Variants in KCNIP3 observed in about 807,000 individuals in gnomAD.
KCNIP3 encodes the protein calsenilin.
A neutral mutation model predicts 35.0 loss-of-function variants in KCNIP3; 28 were observed. The observed-to-expected ratio is 0.80, with a 90% CI of 0.59 to 1.10. The LOEUF is 1.10. Among genes scored for constraint, KCNIP3 ranks in the 50% least tolerant of loss-of-function variants. The probability of loss-of-function intolerance (pLI) is 0.00; values close to 1 mark genes in which losing one functional copy is unlikely to be tolerated. For synonymous variants in KCNIP3, 134 were observed against 133.8 expected (o/e 1.00, Z -0.01); for missense variants, 295 against 338.4 (o/e 0.87, Z 1.01).
intron 2 of KCNIP3, among the ~76,000 whole-genome samples, chr2:95,351,099 A>G (rs1173184522): frequency 2.0e-5 from 3 of 152,246 alleles, no homozygotes; most frequent in Non-Finnish European, 4.4e-5. Context: ...CTGCGGGCTC[A>G]GAAAGTCTGG....
intron 1 of KCNIP3, 33 bp downstream of exon 1, chr2:95,297,486 AGGGGGGTCG>A: frequency 7.8e-6 from 1 of 127,538 alleles, no homozygotes; most frequent in Non-Finnish European, 1.3e-5. Flanking sequence ...CTTGCTCTGG[AGGGGGGTCG>A]GGGGGAGGAA....
chr2:95,367,230 G>A (rs1679937732), intron 2 of KCNIP3, among the ~76,000 whole-genome samples: 1 of 152,086 alleles, frequency 6.6e-6, no homozygotes, highest in Non-Finnish European at 1.5e-5. Context: ...CTGAGATCAT[G>A]CCACTGCACT....
chr2:95,373,426 T>C (rs1304260758), intron 2 of KCNIP3, among the ~76,000 whole-genome samples: 2 of 137,560 alleles, frequency 1.5e-5, no homozygotes, highest in African/African-American at 2.7e-5. Context: ...TTTTTTTTTT[T>C]TTTTTTTTTT....
At chr2:95,307,339 C>T (rs1221713131) in intron 1 of KCNIP3, among the ~76,000 whole-genome samples, 1 of 152,208 alleles carries the variant, frequency 6.6e-6, no homozygotes, top group Non-Finnish European at 1.5e-5. Flanking sequence ...CTCCAGAGAC[C>T]GCCCCAGGGA....
chr2:95,350,058 G>A (rs1679474705), intron 2 of KCNIP3, among the ~76,000 whole-genome samples: 1 of 152,190 alleles, frequency 6.6e-6, no homozygotes, highest in Non-Finnish European at 1.5e-5. Flanking sequence ...TCTTCCTGGA[G>A]TGCTGAAATA....
intron 2 of KCNIP3, among the ~76,000 whole-genome samples, chr2:95,325,158 G>A (rs1678704823): frequency 6.6e-6 from 1 of 152,126 alleles, no homozygotes; most frequent in Non-Finnish European, 1.5e-5. Flanking sequence ...GGGTCCACAG[G>A]CCTGGACCCC....
At chr2:95,308,081 CAT>C (rs955096428) in intron 1 of KCNIP3, among the ~76,000 whole-genome samples, 26 of 152,082 alleles carry the variant, frequency 1.7e-4, no homozygotes, top group Non-Finnish European at 3.5e-4. Flanking sequence ...TGCATATGAA[CAT>C]GTGTACTTGT....
chr2:95,301,890 G>A (rs1340279731), intron 1 of KCNIP3, among the ~76,000 whole-genome samples: 1 of 152,118 alleles, frequency 6.6e-6, no homozygotes, highest in Non-Finnish European at 1.5e-5. Context: ...GCTCATAGGT[G>A]TGTTTGCAGG....
chr2:95,308,049 C>T (rs2104206227), intron 1 of KCNIP3, among the ~76,000 whole-genome samples: 1 of 152,276 alleles, frequency 6.6e-6, no homozygotes, highest in East Asian at 1.9e-4. Context: ...CGTGTGTGTG[C>T]CTATGCATGT....
chr2:95,381,817 A>G, intron 6 of KCNIP3, 114 bp downstream of exon 6: 1 of 753,262 alleles, frequency 1.3e-6, no homozygotes, highest in Admixed American at 2.1e-5. Context: ...CCCGCTGTCC[A>G]TCCAGAGACT....
chr2:95,333,974 C>A (rs921714481), intron 2 of KCNIP3, among the ~76,000 whole-genome samples: 1 of 152,230 alleles, frequency 6.6e-6, no homozygotes, highest in Admixed American at 6.5e-5. Flanking sequence ...TGTCAGAAGA[C>A]ACTGCAGAAG....
rs145627120 is a variant in KCNIP3, at chr2:95,374,373, A to G, written c.259A>G (p.Lys87Glu). Reference protein sequence around the residue: ...EGLDQLQAQTKFTKKELQSLY... With the variant: ...EGLDQLQAQTEFTKKELQSLY... ...GCTGGACCAGCTGCAGGCCCAGACC[A>G]AGTTCACCAAGAAGGAGCTGCAGTC... Residue 87 changes from lysine to glutamate, a missense_variant, in exon 3 of 9, where the codon AAG (lysine) becomes GAG (glutamate). Lys to Glu is a moderately conservative substitution (Grantham distance 56). Coordinates refer to ENST00000295225, the MANE Select transcript of KCNIP3 (RefSeq NM_013434.5). The G allele has an allele frequency of 1.9e-6, 3 of 1,614,068 alleles. No individual in the cohort carries two copies. The African/African-American group carries it at 4.0e-5, about 22-fold the overall frequency.
chr2:95,325,469 T>C (rs1343467333), intron 2 of KCNIP3, among the ~76,000 whole-genome samples: 1 of 152,144 alleles, frequency 6.6e-6, no homozygotes, highest in African/African-American at 2.4e-5. Flanking sequence ...AGGAGGGTCC[T>C]GGCCAGGCAG....
chr2:95,325,623 ACACT>A (rs1187405478), intron 2 of KCNIP3, among the ~76,000 whole-genome samples: 15 of 151,698 alleles, frequency 9.9e-5, no homozygotes, highest in Admixed American at 4.6e-4. Context: ...GTACACACAC[ACACT>A]CACACACACA....
At chr2:95,334,100 G>A (rs750887630) in intron 2 of KCNIP3, among the ~76,000 whole-genome samples, 5 of 152,218 alleles carry the variant, frequency 3.3e-5, no homozygotes, top group Middle Eastern at 3.2e-3. Flanking sequence ...GATCACCAGC[G>A]AGGATGTGAC....
rs578033490 is a variant in KCNIP3 at position 95,384,099 on chromosome 2, C to A, written c.*50C>A. The A allele has an allele frequency of 4.5e-6, 7 of 1,565,662 alleles. No individual in the cohort carries two copies. In the Admixed American group the frequency reaches 1.0e-4, roughly 23 times the overall value. On this transcript the variant is annotated 3_prime_UTR_variant, in exon 9 of 9. Coordinates refer to ENST00000295225, the MANE Select transcript of KCNIP3 (RefSeq NM_013434.5). The stretch of plus-strand genomic sequence containing the variant: ...CACAGCCACCTCCACCCCCAAGAAA[C>A]CTCCATCCTGCCAGGAGCAGCCTCC...
intron 2 of KCNIP3, among the ~76,000 whole-genome samples, chr2:95,362,180 C>T (rs188993914): frequency 1.2e-3 from 179 of 151,800 alleles, no homozygotes; most frequent in African/African-American, 4.2e-3. Context: ...GATCTCAGCT[C>T]ACTGCAAGCT....
At chr2:95,301,983 C>T (rs1293925052) in intron 1 of KCNIP3, among the ~76,000 whole-genome samples, 2 of 152,298 alleles carry the variant, frequency 1.3e-5, no homozygotes, top group Admixed American at 6.5e-5. Flanking sequence ...CCCGACAAGG[C>T]GAGCTGCCTT....
chr2:95,322,366 A>T (rs1487821222), intron 2 of KCNIP3, among the ~76,000 whole-genome samples: 1 of 152,074 alleles, frequency 6.6e-6, no homozygotes, highest in African/African-American at 2.4e-5. Flanking sequence ...TGCCTCAAAG[A>T]AAAAAATAAA....
Sources: allele counts gnomAD v4.1 joint callset (sites outside exome capture counted in the v4.1 genomes callset), GRCh38; gene constraint gnomAD v4.1.1; transcripts MANE v1.5; gene names NCBI Gene and HGNC (gene_info 2026-07-23, HGNC 2026-07-21).